Variants in GABRB1 observed in about 807,000 individuals in gnomAD.
GABRB1 encodes the protein gamma-aminobutyric acid type A receptor subunit beta1.
GABRB1 carries 17 observed loss-of-function variants against 51.6 expected under a neutral mutation model. That is an observed-to-expected ratio of 0.33 (90% CI 0.23 to 0.49). The LOEUF (loss-of-function observed/expected upper bound fraction) is 0.49, where lower values mean the gene tolerates loss of function less well. Among genes scored for constraint, GABRB1 ranks in the 20% least tolerant of loss-of-function variants. The pLI is 0.99. For synonymous variants in GABRB1, 247 were observed against 218.9 expected (o/e 1.13, Z -1.14); for missense variants, 410 against 600.6 (o/e 0.68, Z 3.32).
At chr4:47,260,524 G>A (rs1282656818) in intron 4 of GABRB1, among the ~76,000 whole-genome samples, 3 of 152,076 alleles carry the variant, frequency 2.0e-5, no homozygotes, top group Admixed American at 6.5e-5. Context: ...CAGGCCTGGT[G>A]GTGACAAAAT....
chr4:47,158,453 T>A (rs1220535540), intron 3 of GABRB1, among the ~76,000 whole-genome samples: 2 of 152,106 alleles, frequency 1.3e-5, no homozygotes, highest in African/African-American at 4.8e-5. Flanking sequence ...TAGTTTATAA[T>A]CATATATTTT....
At chr4:47,334,645 C>T (rs966072129) in intron 5 of GABRB1, among the ~76,000 whole-genome samples, 1 of 152,174 alleles carries the variant, frequency 6.6e-6, no homozygotes, top group African/African-American at 2.4e-5. Context: ...TTATTTGACT[C>T]TGTGTCCAGA....
At chr4:47,108,139 C>T (rs1211167977) in intron 3 of GABRB1, among the ~76,000 whole-genome samples, 1 of 152,010 alleles carries the variant, frequency 6.6e-6, no homozygotes, top group Non-Finnish European at 1.5e-5. Flanking sequence ...ACTTTCCTTG[C>T]TACCACCCAC....
At chr4:47,320,285 A>G in intron 5 of GABRB1, 76 bp downstream of exon 5, 1 of 926,426 alleles carries the variant, frequency 1.1e-6, no homozygotes, top group Non-Finnish European at 1.8e-6. Flanking sequence ...TCACTGAGTT[A>G]ATTAGCACCA....
At chr4:47,113,840 T>C (rs1249778004) in intron 3 of GABRB1, among the ~76,000 whole-genome samples, 1 of 152,246 alleles carries the variant, frequency 6.6e-6, no homozygotes, top group African/African-American at 2.4e-5. Context: ...GCCCCGCAGT[T>C]CTGTTTTCAA....
chr4:47,385,896 T>C (rs1399704922), intron 5 of GABRB1, among the ~76,000 whole-genome samples: 1 of 152,182 alleles, frequency 6.6e-6, no homozygotes, highest in African/African-American at 2.4e-5. Flanking sequence ...TACTGGTTTA[T>C]ACAACTCAGG....
At chr4:47,338,408 C>A (rs186401241) in intron 5 of GABRB1, among the ~76,000 whole-genome samples, 9 of 152,198 alleles carry the variant, frequency 5.9e-5, no homozygotes, top group Non-Finnish European at 8.8e-5. Context: ...AGATGCACCA[C>A]GCCATTCTCA....
At chr4:47,281,308 T>C (rs1723286028) in intron 4 of GABRB1, among the ~76,000 whole-genome samples, 1 of 152,210 alleles carries the variant, frequency 6.6e-6, no homozygotes, top group Admixed American at 6.5e-5. Context: ...TCAACATTCC[T>C]AGTCATAAGG....
At chr4:47,254,497 C>G (rs1004457930) in intron 4 of GABRB1, among the ~76,000 whole-genome samples, 1 of 149,066 alleles carries the variant, frequency 6.7e-6, no homozygotes, top group Admixed American at 6.9e-5. Flanking sequence ...TCCGGAGTAG[C>G]TGGGACTACA....
chr4:47,063,337 A>C (rs191662888), intron 3 of GABRB1, among the ~76,000 whole-genome samples: 4 of 152,308 alleles, frequency 2.6e-5, no homozygotes, highest in East Asian at 1.9e-4. Context: ...AGATAAAAAA[A>C]CACAGCAAAT....
chr4:47,070,208 G>C (rs1478438611), intron 3 of GABRB1, among the ~76,000 whole-genome samples: 2 of 151,864 alleles, frequency 1.3e-5, no homozygotes, highest in Admixed American at 6.6e-5. Context: ...GCTAATTTTT[G>C]TATTTTTAGT....
At chr4:47,046,939 G>C (rs1034383168) in intron 3 of GABRB1, among the ~76,000 whole-genome samples, 1 of 151,970 alleles carries the variant, frequency 6.6e-6, no homozygotes. Context: ...CCAGCTAAAC[G>C]ATGAAATACA....
At chr4:47,289,281 A>G (rs939671405) in intron 4 of GABRB1, among the ~76,000 whole-genome samples, 1 of 152,192 alleles carries the variant, frequency 6.6e-6, no homozygotes, top group African/African-American at 2.4e-5. Flanking sequence ...TGAACCTATT[A>G]TTTTAAATGA....
chr4:47,022,892 G>C (rs897599362), intron 1 of GABRB1, among the ~76,000 whole-genome samples: 1 of 151,996 alleles, frequency 6.6e-6, no homozygotes, highest in Non-Finnish European at 1.5e-5. Flanking sequence ...CTGCAGCACT[G>C]TTTACAATAG....
intron 3 of GABRB1, among the ~76,000 whole-genome samples, chr4:47,151,158 A>G (rs1313975398): frequency 2.0e-5 from 3 of 152,010 alleles, no homozygotes; most frequent in Non-Finnish European, 4.4e-5. Flanking sequence ...AAATGGGCCC[A>G]ATAGAGTCCT....
At chr4:47,032,801 G>T (rs1023751514) in intron 3 of GABRB1, 7 of 552,206 alleles carry the variant, frequency 1.3e-5, no homozygotes, top group Admixed American at 2.2e-5. Context: ...TTTGGATGAG[G>T]AGGGCACCAT....
chr4:47,349,918 T>G (rs999729609), intron 5 of GABRB1, among the ~76,000 whole-genome samples: 1 of 152,128 alleles, frequency 6.6e-6, no homozygotes, highest in Non-Finnish European at 1.5e-5. Context: ...ACACACACTT[T>G]ATAGCCCTCT....
intron 4 of GABRB1, among the ~76,000 whole-genome samples, chr4:47,166,064 T>C (rs6819839): frequency 0.86 from 130,837 of 151,988 alleles, 56,336 homozygotes; most frequent in African/African-American, 0.9. Flanking sequence ...TTTCTCATTA[T>C]TGCCATCTTA....
At position 47,158,854 on chromosome 4, in the gene GABRB1, T is replaced by C. The variant is rs531847651; in HGVS notation, c.241-2395T>C. The stretch of plus-strand genomic sequence containing the variant: ...TCTATTTGGAAGTGTAATACTAATG[T>C]GTACATAGCAATTAAAAATTTTGAA... On this transcript the variant is annotated intron_variant, in intron 3 of 8. Transcript: ENST00000295454. Among the ~76,000 whole-genome samples, 426 of 152,210 alleles carry C rather than the reference T, an allele frequency of 2.8e-3. 3 individuals are homozygous for C. Among genetic ancestry groups the C allele is most frequent in the African/African-American group, 1.0e-2 (415 of 41,570 alleles).
Sources: allele counts gnomAD v4.1 joint callset (sites outside exome capture counted in the v4.1 genomes callset), GRCh38; gene constraint gnomAD v4.1.1; transcripts MANE v1.5; gene names NCBI Gene and HGNC (gene_info 2026-07-23, HGNC 2026-07-21).